Variants in ADGRG1 observed in about 807,000 individuals in gnomAD.
ADGRG1 encodes adhesion G protein-coupled receptor G1.
ADGRG1 carries 53 observed loss-of-function variants against 73.5 expected under a neutral mutation model. The ratio of observed to expected loss-of-function variants is 0.72; its 90% CI spans 0.58 to 0.91. The LOEUF is 0.91. Ranked by LOEUF, ADGRG1 falls within the 40% of genes least tolerant of loss-of-function variation. The pLI, the probability that ADGRG1 is intolerant of heterozygous loss-of-function variation, is 0.00. For synonymous variants in ADGRG1, 394 were observed against 374.4 expected, an observed-to-expected ratio of 1.05 and a Z score of -0.60; for missense variants, 795 against 871.8, an observed-to-expected ratio of 0.91 and a Z score of 1.11.
At chr16:57,647,278 C>T (rs1413105432) in intron 1 of ADGRG1, 1 of 985,234 alleles carries the variant, frequency 1.0e-6, no homozygotes, top group African/African-American at 1.7e-5. Flanking sequence ...CCTTCCATTG[C>T]ACTCTCCCGG....
In ADGRG1 at chr16:57,652,788, G is replaced by A. The variant is rs1315054762; in HGVS notation, c.488-415G>A. ...CCTTAGTCGGCCGCCTTAGTAGGCC[G>A]CCCACGCTACCTGGGCAGAGGGGCC... On this transcript the variant is annotated intron_variant, in intron 3 of 13. Coordinates refer to ENST00000562631, the MANE Select transcript of ADGRG1 (RefSeq NM_201525.4). 29 of 1,069,372 alleles carry A rather than the reference G, an allele frequency of 2.7e-5. No individual in the cohort carries two copies. The Admixed American group carries it at 5.4e-4, about 20-fold the overall frequency. The allele number at this position is 1,069,372 out of a possible 1,614,324, so 66.2% of individuals were successfully genotyped here.
At chr16:57,632,194 G>A (rs2038141776) in intron 1 of ADGRG1, 1 of 985,348 alleles carries the variant, frequency 1.0e-6, no homozygotes, top group South Asian at 4.7e-5. Flanking sequence ...CCTTGGTGGA[G>A]AGGAGGCTCC....
chr16:57,637,783 A>G, intron 1 of ADGRG1: 1 of 820,386 alleles, frequency 1.2e-6, no homozygotes, highest in African/African-American at 1.9e-5. Flanking sequence ...CTCAGCCCCA[A>G]GCCCCTGCTG....
rs374754989 is a variant in ADGRG1, at chr16:57,661,773, G to A, written c.1741G>A (p.Ala581Thr). The change falls in exon 13 of 14, where the codon GCC (alanine) becomes ACC (threonine). Residue 581 changes from alanine to threonine, a missense_variant. Physicochemically the swap from Ala to Thr is moderately conservative, Grantham distance 58 (BLOSUM62 0). Coordinates refer to ENST00000562631, the MANE Select transcript of ADGRG1 (RefSeq NM_201525.4). ...LFSLVFLFNM[A>T]MLATMVVQIL... ...CAGCCTGGTGTTTCTGTTCAACATG[G>A]CCATGCTAGCCACCATGGTGGTGCA... 1.9e-6 allele frequency: 3 copies of A among 1,614,192 alleles called. No individual in the cohort carries two copies. Among genetic ancestry groups the A allele is most frequent in the Non-Finnish European group, 2.5e-6 (3 of 1,180,022 alleles).
At chr16:57,660,339 T>C (rs2046779947) in intron 11 of ADGRG1, 1 of 984,990 alleles carries the variant, frequency 1.0e-6, no homozygotes, top group Non-Finnish European at 1.2e-6. Flanking sequence ...CAGGACTTTG[T>C]GTTTGGAGGT....
chr16:57,661,656 C>G (rs17240890), intron 12 of ADGRG1, 41 bp from the exon 13 acceptor site: 1 of 1,591,690 alleles, frequency 6.3e-7, no homozygotes, highest in Non-Finnish European at 8.5e-7. Flanking sequence ...AAATGCTGCC[C>G]GTGCTGGCCA....
At chr16:57,636,502 G>C (rs948021287) in intron 1 of ADGRG1, 1 of 985,180 alleles carries the variant, frequency 1.0e-6, no homozygotes, top group Non-Finnish European at 1.2e-6. Flanking sequence ...GTGTGCTCCT[G>C]ATCCTGTTAG....
intron 5 of ADGRG1, chr16:57,654,855 G>T (rs2045244443): frequency 6.4e-6 from 1 of 156,358 alleles, no homozygotes; most frequent in African/African-American, 2.4e-5. Flanking sequence ...ACTCCAGCCT[G>T]GGCAACAGAG....
chr16:57,629,834 G>A (rs887882010), intron 1 of ADGRG1, among the ~76,000 whole-genome samples: 2 of 152,130 alleles, frequency 1.3e-5, no homozygotes, highest in African/African-American at 2.4e-5. Context: ...AATGATTCCT[G>A]TCCTCCCCCG....
chr16:57,652,705 C>T, intron 3 of ADGRG1: 8 of 998,106 alleles, frequency 8.0e-6, no homozygotes, highest in African/African-American at 1.7e-5. Context: ...AGAAAGTATA[C>T]CCTCCAACCC....
intron 1 of ADGRG1, chr16:57,647,253 C>T (rs2042899490): frequency 3.0e-6 from 3 of 985,252 alleles, no homozygotes; most frequent in African/African-American, 1.7e-5. Context: ...GGGAAGTTTT[C>T]TGGGTGGGGT....
chr16:57,640,736 G>A, intron 1 of ADGRG1: 1 of 225,220 alleles, frequency 4.4e-6, no homozygotes, highest in Non-Finnish European at 7.4e-6. Flanking sequence ...AGGGGAGGGT[G>A]CTCTCGGCCC....
At chr16:57,654,336 G>A (rs1370640775) in intron 5 of ADGRG1, among the ~76,000 whole-genome samples, 1 of 151,768 alleles carries the variant, frequency 6.6e-6, no homozygotes, top group African/African-American at 2.4e-5. Context: ...CAGTGGCAGG[G>A]TCTGCTTCCT....
At chr16:57,627,850 A>G, upstream of ADGRG1, 6 of 984,484 alleles carry the variant, frequency 6.1e-6, no homozygotes, top group Non-Finnish European at 7.2e-6. Context: ...AATGACCAGA[A>G]GGGGGATGGG....
At chr16:57,637,825 C>T in intron 1 of ADGRG1, 1 of 465,076 alleles carries the variant, frequency 2.2e-6, no homozygotes, top group Non-Finnish European at 2.8e-6. Context: ...GAAATCATCC[C>T]AAAGCCCCTT....
At position 57,661,968 on chromosome 16, in the gene ADGRG1, AAGG is replaced by A; in HGVS notation, c.1933+6_1933+8del. 1.2e-6 allele frequency: 2 copies of A among 1,611,762 alleles called. No homozygotes were observed. Among genetic ancestry groups the A allele is most frequent in the Middle Eastern group, 1.7e-4 (1 of 6,056 alleles). ...CAGCATCATCACCTCCTTCCAAGGTAAGGAGAAGACCCGTCCCTTGGCCCAGGC... is the reference window on the plus strand; with the variant it reads ...CAGCATCATCACCTCCTTCCAAGGTAAGAAGACCCGTCCCTTGGCCCAGGC... On this transcript the variant is annotated splice_donor_5th_base_variant and intron_variant, in intron 13 of 13. Coordinates refer to ENST00000562631, the MANE Select transcript of ADGRG1 (RefSeq NM_201525.4).
chr16:57,656,093 G>A (rs1450521185), intron 7 of ADGRG1, 101 bp downstream of exon 7: 2 of 1,613,104 alleles, frequency 1.2e-6, no homozygotes, highest in Non-Finnish European at 1.7e-6. Context: ...TGAAACGATT[G>A]CCTGATCGAG....
At chr16:57,655,111 G>A (rs747742140) in intron 5 of ADGRG1, 103 of 985,188 alleles carry the variant, frequency 1.0e-4, no homozygotes, top group Non-Finnish European at 1.2e-4. Context: ...GTTGGCTGCT[G>A]TAGGCAGAGC....
intron 9 of ADGRG1, 29 bp from the exon 10 acceptor site, chr16:57,657,344 G>A (rs1388690885): frequency 6.2e-7 from 1 of 1,613,538 alleles, no homozygotes; most frequent in Non-Finnish European, 8.5e-7. Flanking sequence ...GGACACAGAG[G>A]CCAGCTCTCT....
Sources: gnomAD v4.1 joint callset for allele counts (sites outside exome capture counted in the v4.1 genomes callset) on GRCh38, gnomAD v4.1.1 for gene constraint, MANE v1.5 for transcripts, NCBI Gene and HGNC (gene_info 2026-07-23, HGNC 2026-07-21) for gene names.